FTO: variants seen among roughly 807,000 people sequenced by gnomAD.
The protein encoded by FTO is FTO alpha-ketoglutarate dependent dioxygenase, also known as alpha-ketoglutarate-dependent dioxygenase FTO.
In FTO, 47 loss-of-function variants were observed where a neutral mutation model predicts 63.9. The observed-to-expected ratio is 0.74, with a 90% CI of 0.58 to 0.94. The LOEUF (loss-of-function observed/expected upper bound fraction) is 0.94. FTO is among the 40% of genes least tolerant of loss of function. The pLI is 0.00. For synonymous variants in FTO, 207 were observed against 224.4 expected, an observed-to-expected ratio of 0.92 and a Z score of 0.69; for missense variants, 562 against 618.1, an observed-to-expected ratio of 0.91 and a Z score of 0.96.
chr16:53,953,608 G>T (rs1049507758), intron 8 of FTO, among the ~76,000 whole-genome samples: 1 of 152,112 alleles, frequency 6.6e-6, no homozygotes, highest in Non-Finnish European at 1.5e-5. Flanking sequence ...TTAAAATTTA[G>T]CAGCAAATGT....
chr16:53,771,722 A>G (rs2077346050), intron 1 of FTO, among the ~76,000 whole-genome samples: 1 of 152,144 alleles, frequency 6.6e-6, no homozygotes, highest in Admixed American at 6.6e-5. Flanking sequence ...CCAAACGCCC[A>G]TCAATGATGA....
rs1369542215 is a variant in FTO at position 53,891,359 on chromosome 16, A to AT, written c.1239+2416dup. On this transcript the variant is annotated intron_variant, in intron 7 of 8. Coordinates refer to ENST00000471389, the MANE Select transcript of FTO (RefSeq NM_001080432.3). ...TTTGTTCAAGAGCTTTTTTTTTTTT[A>AT]TTTTTTTTAAGTAAAATCTGGCCCA... Among the ~76,000 whole-genome samples, 336 of 128,418 alleles carry AT rather than the reference A, an allele frequency of 2.6e-3. 3 individuals carry two copies. The highest frequency in any genetic ancestry group is 9.4e-3 in the African/African-American group (307 of 32,730). The allele number at this position is 128,418 out of a possible 152,430, so 84.2% of individuals were successfully genotyped here. A position where few individuals can be genotyped will look rare whatever the true frequency, so the allele number is the denominator to read the frequency against.
rs145637753 is a variant in FTO, at chr16:53,908,289, G to C, written c.1239+19338G>C. ...TCCAACCATTGCATGCAAACTCGTAGTAAAGCCATTGTCTAGTTATTAACA... is the reference window on the plus strand; with the variant it reads ...TCCAACCATTGCATGCAAACTCGTACTAAAGCCATTGTCTAGTTATTAACA... On this transcript the variant is annotated intron_variant, in intron 7 of 8. Coordinates refer to ENST00000471389, the MANE Select transcript of FTO (RefSeq NM_001080432.3). 2.8e-4 allele frequency among the ~76,000 whole-genome samples: 43 copies of C among 152,332 alleles called. No homozygotes were observed. In the East Asian group the frequency reaches 8.1e-3, roughly 29 times the overall value.
intron 8 of FTO, among the ~76,000 whole-genome samples, chr16:54,007,798 G>T (rs750367196): frequency 4.6e-5 from 7 of 152,288 alleles, no homozygotes; most frequent in Non-Finnish European, 7.3e-5. Flanking sequence ...TCTGGACTTG[G>T]TCAAAAAATC....
intron 1 of FTO, among the ~76,000 whole-genome samples, chr16:53,749,431 T>C (rs367697718): frequency 1.5e-4 from 23 of 150,930 alleles, no homozygotes; most frequent in African/African-American, 5.7e-4. Flanking sequence ...AAGATTTTAA[T>C]TCTTTTTTTC....
intron 8 of FTO, among the ~76,000 whole-genome samples, chr16:54,049,019 T>C (rs1242631342): frequency 1.3e-5 from 2 of 152,168 alleles, no homozygotes; most frequent in South Asian, 2.1e-4. Flanking sequence ...TCATTCTTTC[T>C]TTCTTTTTTT....
At chr16:53,811,770 C>T (rs1002739723) in intron 2 of FTO, among the ~76,000 whole-genome samples, 20 of 152,056 alleles carry the variant, frequency 1.3e-4, no homozygotes, top group African/African-American at 4.1e-4. Flanking sequence ...GGCCTTCTTG[C>T]TACGTCCTCT....
At chr16:54,080,138 G>T (rs1351362299) in intron 8 of FTO, among the ~76,000 whole-genome samples, 2 of 152,098 alleles carry the variant, frequency 1.3e-5, no homozygotes, top group African/African-American at 4.8e-5. Context: ...TGTAATCCCA[G>T]CACTTTGGGA....
intron 8 of FTO, among the ~76,000 whole-genome samples, chr16:54,098,458 G>A (rs538544637): frequency 2.0e-5 from 3 of 152,218 alleles, no homozygotes; most frequent in Non-Finnish European, 4.4e-5. Context: ...TTCAGTGGCA[G>A]GAGACTGACA....
intron 1 of FTO, among the ~76,000 whole-genome samples, chr16:53,766,230 G>A (rs1391131927): frequency 6.6e-6 from 1 of 152,138 alleles, no homozygotes; most frequent in Non-Finnish European, 1.5e-5. Context: ...TTGTTTGCTT[G>A]TTGTTTCTTT....
At chr16:54,043,017 C>G (rs1379426272) in intron 8 of FTO, among the ~76,000 whole-genome samples, 1 of 60,314 alleles carries the variant, frequency 1.7e-5, no homozygotes, top group Non-Finnish European at 2.5e-5. Context: ...AAAAACAGAA[C>G]AGAAAAACTG....
chr16:53,744,972 T>A (rs894166650), intron 1 of FTO, among the ~76,000 whole-genome samples: 8 of 152,216 alleles, frequency 5.3e-5, no homozygotes, highest in Non-Finnish European at 7.3e-5. Flanking sequence ...ATAAGATCAC[T>A]GATATCCCTT....
At chr16:53,717,794 A>T (rs1288982234) in intron 1 of FTO, among the ~76,000 whole-genome samples, 1 of 152,100 alleles carries the variant, frequency 6.6e-6, no homozygotes, top group Non-Finnish European at 1.5e-5. Flanking sequence ...CGCTGCCTGC[A>T]TTTATTGACT....
chr16:53,754,933 C>T (rs372337312), intron 1 of FTO, among the ~76,000 whole-genome samples: 10 of 151,828 alleles, frequency 6.6e-5, no homozygotes, highest in East Asian at 1.9e-4. Context: ...CTTTTGATAA[C>T]GGTATTAGAG....
rs1403858909 is a variant in FTO at position 54,007,498 on chromosome 16, TCC to T, written c.1364+73390_1364+73391del. Reference sequence around the variant, plus strand: ...AAATGGAAATATAAGAGTACCCACCTCCTAAGGTGGGCTTATGAATTAATAGA... The same window carrying T: ...AAATGGAAATATAAGAGTACCCACCTTAAGGTGGGCTTATGAATTAATAGA... On this transcript the variant is annotated intron_variant, in intron 8 of 8. Coordinates refer to ENST00000471389, the MANE Select transcript of FTO (RefSeq NM_001080432.3). 5.3e-4 allele frequency among the ~76,000 whole-genome samples: 80 copies of T among 152,286 alleles called. 1 individual carries two copies. Among genetic ancestry groups the T allele is most frequent in the African/African-American group, 1.8e-3 (74 of 41,558 alleles).
intron 1 of FTO, among the ~76,000 whole-genome samples, chr16:53,717,218 T>G (rs2075915178): frequency 6.6e-6 from 1 of 152,080 alleles, no homozygotes; most frequent in Non-Finnish European, 1.5e-5. Flanking sequence ...AGTTGCCACC[T>G]GGGGAGGTAA....
intron 1 of FTO, among the ~76,000 whole-genome samples, chr16:53,704,467 G>T (rs189729719): frequency 8.3e-4 from 126 of 152,334 alleles, no homozygotes; most frequent in African/African-American, 2.9e-3. Flanking sequence ...CCATTTCCTT[G>T]TCCTTCTTCT....
chr16:54,064,646 C>G (rs2085673845), intron 8 of FTO, among the ~76,000 whole-genome samples: 1 of 152,190 alleles, frequency 6.6e-6, no homozygotes, highest in Non-Finnish European at 1.5e-5. Context: ...TTGCCTGACC[C>G]TACTTGCTCC....
At chr16:54,069,581 C>T (rs980918186) in intron 8 of FTO, among the ~76,000 whole-genome samples, 17 of 151,966 alleles carry the variant, frequency 1.1e-4, no homozygotes, top group Non-Finnish European at 1.9e-4. Flanking sequence ...TATTTTTTCT[C>T]TTTGGGCATT....
Sources: allele counts gnomAD v4.1 joint callset (sites outside exome capture counted in the v4.1 genomes callset), GRCh38; gene constraint gnomAD v4.1.1; transcripts MANE v1.5; gene names NCBI Gene and HGNC (gene_info 2026-07-23, HGNC 2026-07-21).